The following DENND2A variants were observed in gnomAD, a reference collection of about 807,000 sequenced individuals.
DENND2A encodes DENN domain-containing protein 2A.
DENND2A carries 53 observed loss-of-function variants against 105.3 expected under a neutral mutation model. The observed-to-expected ratio is 0.50, with a 90% confidence interval of 0.40 to 0.63. The LOEUF is 0.63. Ranked by LOEUF, DENND2A falls within the 30% of genes least tolerant of loss-of-function variation. The pLI, the probability that DENND2A is intolerant of heterozygous loss-of-function variation, is 0.00. For synonymous variants in DENND2A, 522 were observed against 508.4 expected, an observed-to-expected ratio of 1.03 and a Z score of -0.36; for missense variants, 1,138 against 1,279.6, an observed-to-expected ratio of 0.89 and a Z score of 1.69.
rs1180046309 is a variant in DENND2A, at chr7:140,543,106, TTTTTC to T, written c.2327+1507_2327+1511del. On this transcript the variant is annotated intron_variant, in intron 14 of 19. Coordinates refer to ENST00000496613, the MANE Select transcript of DENND2A (RefSeq NM_015689.5). The stretch of plus-strand genomic sequence containing the variant: ...CCCACTGCACTGAGACAAGTCTGTG[TTTTTC>T]TTTTCTTTTCTTTTTTTTTTTTTTT... Among the ~76,000 whole-genome samples, 11 of 147,706 alleles carry T rather than the reference TTTTTC, an allele frequency of 7.4e-5. No homozygotes were observed. The South Asian group carries it at 1.7e-3, about 23-fold the overall frequency.
intron 1 of DENND2A, among the ~76,000 whole-genome samples, chr7:140,626,518 C>T (rs1339673386): frequency 6.6e-6 from 1 of 152,200 alleles, no homozygotes; most frequent in African/African-American, 2.4e-5. Context: ...CACTGAACAG[C>T]CCACTTGAAT....
intron 1 of DENND2A, among the ~76,000 whole-genome samples, chr7:140,627,160 ATAAG>A (rs1800560994): frequency 6.6e-6 from 1 of 152,200 alleles, no homozygotes; most frequent in Non-Finnish European, 1.5e-5. Context: ...AATAATACTA[ATAAG>A]TAATAATGCT....
intron 9 of DENND2A, among the ~76,000 whole-genome samples, chr7:140,565,773 C>T (rs539372323): frequency 7.9e-5 from 12 of 152,066 alleles, no homozygotes; most frequent in South Asian, 6.2e-4. Context: ...GACAGGAGGT[C>T]GGCACAAAAT....
intron 5 of DENND2A, among the ~76,000 whole-genome samples, chr7:140,581,975 T>C (rs548344409): frequency 6.6e-6 from 1 of 151,504 alleles, no homozygotes; most frequent in Non-Finnish European, 1.5e-5. Context: ...AGATGTTTTT[T>C]TTTTTTTGAG....
intron 14 of DENND2A, among the ~76,000 whole-genome samples, chr7:140,535,387 C>T (rs1383382779): frequency 6.6e-6 from 1 of 152,054 alleles, no homozygotes; most frequent in Non-Finnish European, 1.5e-5. Context: ...CTTGCAAACC[C>T]TGAGGCCGTG....
chr7:140,522,325 A>AT (rs1426444965), intron 17 of DENND2A, among the ~76,000 whole-genome samples: 3 of 152,106 alleles, frequency 2.0e-5, no homozygotes, highest in African/African-American at 7.2e-5. Flanking sequence ...TTTTGTTTTT[A>AT]TTTTTTGAGA....
chr7:140,555,300 A>AT (rs933386533), intron 12 of DENND2A, among the ~76,000 whole-genome samples: 36 of 148,486 alleles, frequency 2.4e-4, no homozygotes, highest in Middle Eastern at 3.5e-3. Flanking sequence ...CGCCTGGCTA[A>AT]TTTTTTTTTT....
intron 11 of DENND2A, among the ~76,000 whole-genome samples, chr7:140,556,420 C>A (rs1222257613): frequency 6.6e-6 from 1 of 152,032 alleles, no homozygotes; most frequent in Admixed American, 6.6e-5. Context: ...CTCACTGCAC[C>A]CTCCACTTCC....
intron 1 of DENND2A, among the ~76,000 whole-genome samples, chr7:140,639,927 A>C (rs879663021): frequency 5.3e-5 from 8 of 152,340 alleles, no homozygotes; most frequent in Admixed American, 2.6e-4. Context: ...GATTGTGTCC[A>C]GACTTCCCCT....
chr7:140,518,842 G>C, intron 19 of DENND2A, 104 bp from the exon 20 acceptor site: 4 of 991,838 alleles, frequency 4.0e-6, no homozygotes, highest in South Asian at 1.4e-5. Context: ...GGGCCCCCAC[G>C]CCACCCCAGG....
intron 14 of DENND2A, among the ~76,000 whole-genome samples, chr7:140,539,072 C>A (rs1413128413): frequency 2.6e-5 from 4 of 152,338 alleles, no homozygotes. Flanking sequence ...AATCCACCGG[C>A]CTCAGCCTCC....
intron 12 of DENND2A, among the ~76,000 whole-genome samples, chr7:140,554,635 CA>C (rs971179001): frequency 1.3e-5 from 2 of 151,020 alleles, no homozygotes; most frequent in African/African-American, 4.9e-5. Context: ...GACTCTGTCT[CA>C]AAAAAAGAAA....
At chr7:140,570,177 G>A (rs1022682534) in intron 6 of DENND2A, among the ~76,000 whole-genome samples, 3 of 152,236 alleles carry the variant, frequency 2.0e-5, no homozygotes, top group East Asian at 1.9e-4. Flanking sequence ...TTACAGGCGC[G>A]AGCCACCGCA....
At chr7:140,556,361 C>T (rs562956560) in intron 11 of DENND2A, among the ~76,000 whole-genome samples, 4 of 151,926 alleles carry the variant, frequency 2.6e-5, no homozygotes, top group South Asian at 2.1e-4. Context: ...TTTTTGGAGA[C>T]GGAGTCTTGC....
intron 5 of DENND2A, among the ~76,000 whole-genome samples, chr7:140,581,149 C>T: frequency 6.6e-6 from 1 of 151,932 alleles, no homozygotes; most frequent in East Asian, 2.0e-4. Flanking sequence ...CCTGTAATCT[C>T]AGCTAGTCAG....
In DENND2A at chr7:140,522,053, G is replaced by C; in HGVS notation, c.2713C>G (p.Arg905Gly). 6.2e-7 allele frequency: 1 copy of C among 1,614,138 alleles called. No individual in the cohort carries two copies. Among genetic ancestry groups the C allele is most frequent in the Non-Finnish European group, 8.5e-7 (1 of 1,180,038 alleles). ...TGTCCCACAATCTCCACGAAGAAGC[G>C]GACAAAGGCTTCAGACACCACCTCG... ...LNEVVSEAFV[R>G]FFVEIVGHYS... Residue 905 changes from arginine to glycine, a missense_variant, in exon 18 of 20, where the codon CGC becomes GGC. Arg to Gly is a moderately radical substitution (Grantham distance 125, BLOSUM62 -2). Coordinates refer to ENST00000496613, the MANE Select transcript of DENND2A (RefSeq NM_015689.5).
At chr7:140,528,991 G>A (rs1376181488) in intron 14 of DENND2A, among the ~76,000 whole-genome samples, 1 of 151,888 alleles carries the variant, frequency 6.6e-6, no homozygotes, top group East Asian at 1.9e-4. Context: ...TGTAATCCCA[G>A]CTACTTAGGA....
intron 13 of DENND2A, chr7:140,544,980 C>T (rs2130523770): frequency 3.7e-6 from 2 of 542,832 alleles, no homozygotes; most frequent in Non-Finnish European, 4.7e-6. Flanking sequence ...GGGAAGCAAG[C>T]GTCTCACACT....
intron 1 of DENND2A, among the ~76,000 whole-genome samples, chr7:140,613,687 C>A (rs111399339): frequency 0.048 from 7,011 of 147,300 alleles, 516 homozygotes; most frequent in African/African-American, 0.16. Flanking sequence ...AAAAAACAAA[C>A]AAAAAACTAC....
Sources: gnomAD v4.1 joint callset for allele counts (sites outside exome capture counted in the v4.1 genomes callset) on GRCh38, gnomAD v4.1.1 for gene constraint, MANE v1.5 for transcripts, NCBI Gene and HGNC (gene_info 2026-07-23, HGNC 2026-07-21) for gene names.